SCHIP1: variants seen among roughly 807,000 people sequenced by gnomAD.
SCHIP1 encodes schwannomin interacting protein 1.
In SCHIP1, 8 loss-of-function variants were observed where a neutral mutation model predicts 29.7. The ratio of observed to expected loss-of-function variants is 0.27; its 90% CI spans 0.16 to 0.49. SCHIP1 has a LOEUF of 0.49. Among genes scored for constraint, SCHIP1 ranks in the 20% least tolerant of loss-of-function variants. The pLI is 0.99. For missense variants in SCHIP1, 193 were observed against 294.6 expected (o/e 0.66, Z 2.52); for synonymous variants, 76 against 94.9 (o/e 0.80, Z 1.16).
the SCHIP1 span, among the ~76,000 whole-genome samples, chr3:159,473,865 T>G: frequency 2.6e-5 from 4 of 152,074 alleles, no homozygotes; most frequent in Admixed American, 6.6e-5. Flanking sequence ...GCCTAATATT[T>G]TAAGTGCTAC....
chr3:159,365,230 T>C, the SCHIP1 span, among the ~76,000 whole-genome samples: 1 of 152,176 alleles, frequency 6.6e-6, no homozygotes, highest in South Asian at 2.1e-4. Flanking sequence ...CCTGCCTCTA[T>C]TGATATTGCT....
At chr3:159,290,408 T>C in the SCHIP1 span, among the ~76,000 whole-genome samples, 1 of 152,158 alleles carries the variant, frequency 6.6e-6, no homozygotes, top group Non-Finnish European at 1.5e-5. Flanking sequence ...TTTACCTATA[T>C]GTGGACAGAG....
At chr3:159,459,739 A>C in the SCHIP1 span, among the ~76,000 whole-genome samples, 1 of 152,276 alleles carries the variant, frequency 6.6e-6, no homozygotes, top group East Asian at 1.9e-4. Context: ...GTATTTAGAG[A>C]TAGATCTTTG....
At chr3:159,587,128 A>G in the SCHIP1 span, among the ~76,000 whole-genome samples, 1 of 152,164 alleles carries the variant, frequency 6.6e-6, no homozygotes, top group Non-Finnish European at 1.5e-5. Context: ...TCCTGGGTCT[A>G]GTGATAGACA....
chr3:159,303,047 T>C, the SCHIP1 span, among the ~76,000 whole-genome samples: 3 of 152,180 alleles, frequency 2.0e-5, no homozygotes, highest in African/African-American at 7.2e-5. Flanking sequence ...TGAGACATAG[T>C]AAGGGTAAAT....
chr3:159,279,525 A>G, the SCHIP1 span, among the ~76,000 whole-genome samples: 58 of 152,322 alleles, frequency 3.8e-4, no homozygotes, highest in South Asian at 1.0e-3. Context: ...AATAGATTTT[A>G]GAGCACTTAG....
the SCHIP1 span, chr3:159,273,717 A>C: frequency 6.6e-7 from 1 of 1,520,634 alleles, no homozygotes; most frequent in African/African-American, 1.4e-5. Flanking sequence ...TTTTTTAGAC[A>C]ACCTTACTAG....
the SCHIP1 span, among the ~76,000 whole-genome samples, chr3:159,295,273 AAAAC>A: frequency 1.8e-4 from 26 of 141,156 alleles, 3 homozygotes; most frequent in South Asian, 4.3e-3. Context: ...AAAAAAAAAA[AAAAC>A]AACTAGCCAG....
the SCHIP1 span, among the ~76,000 whole-genome samples, chr3:159,698,769 G>C: frequency 4.1e-4 from 62 of 152,178 alleles, 1 homozygote; most frequent in East Asian, 8.9e-3. Flanking sequence ...CTCCCGAGTA[G>C]CTGGGATTAC....
chr3:159,277,166 C>T, the SCHIP1 span, among the ~76,000 whole-genome samples: 1 of 152,138 alleles, frequency 6.6e-6, no homozygotes, highest in Non-Finnish European at 1.5e-5. Context: ...AAAAACCCCA[C>T]TTCTCCACCG....
At chr3:159,454,362 C>A in the SCHIP1 span, among the ~76,000 whole-genome samples, 1 of 152,116 alleles carries the variant, frequency 6.6e-6, no homozygotes, top group Admixed American at 6.6e-5. Flanking sequence ...GACAACCCAC[C>A]TCTCACCTGC....
the SCHIP1 span, among the ~76,000 whole-genome samples, chr3:159,695,158 C>A: frequency 6.6e-6 from 1 of 152,158 alleles, no homozygotes; most frequent in East Asian, 1.9e-4. Flanking sequence ...ACTAGAGATC[C>A]TATGCTGACC....
the SCHIP1 span, among the ~76,000 whole-genome samples, chr3:159,682,505 A>G: frequency 5.3e-5 from 8 of 152,354 alleles, 1 homozygote; most frequent in African/African-American, 1.9e-4. Context: ...AGCTTAAATG[A>G]GTAGATGGTA....
At chr3:159,389,528 T>C in the SCHIP1 span, among the ~76,000 whole-genome samples, 1 of 152,038 alleles carries the variant, frequency 6.6e-6, no homozygotes, top group Admixed American at 6.6e-5. Context: ...ATTCCACTTA[T>C]AGAAAATTCT....
the SCHIP1 span, among the ~76,000 whole-genome samples, chr3:159,795,785 G>A: frequency 1.3e-5 from 2 of 152,186 alleles, no homozygotes; most frequent in Non-Finnish European, 2.9e-5. Context: ...TAAAATTATG[G>A]AGACAAGGAA....
chr3:159,652,834 T>G, the SCHIP1 span, among the ~76,000 whole-genome samples: 1 of 152,202 alleles, frequency 6.6e-6, no homozygotes, highest in Non-Finnish European at 1.5e-5. Flanking sequence ...TTATTCTCAC[T>G]TCTTTAAAAA....
chr3:159,352,426 G>T, the SCHIP1 span, among the ~76,000 whole-genome samples: 1 of 152,162 alleles, frequency 6.6e-6, no homozygotes, highest in Non-Finnish European at 1.5e-5. Flanking sequence ...ATAAGTGATA[G>T]AGAAATCTTG....
the SCHIP1 span, among the ~76,000 whole-genome samples, chr3:159,628,841 T>C: frequency 6.6e-6 from 1 of 152,310 alleles, no homozygotes; most frequent in African/African-American, 2.4e-5. Context: ...CAGCACCTGA[T>C]TATGTTTTAA....
At chr3:159,412,297 G>A in the SCHIP1 span, among the ~76,000 whole-genome samples, 3 of 152,152 alleles carry the variant, frequency 2.0e-5, no homozygotes, top group African/African-American at 7.2e-5. Flanking sequence ...AGATTAGACT[G>A]CATCTTTTGT....
Sources: gnomAD v4.1 joint callset for allele counts (sites outside exome capture counted in the v4.1 genomes callset) on GRCh38, gnomAD v4.1.1 for gene constraint, MANE v1.5 for transcripts, NCBI Gene and HGNC (gene_info 2026-07-23, HGNC 2026-07-21) for gene names.